The following FRMD4A variants were observed in gnomAD, a reference collection of about 807,000 sequenced individuals.
FRMD4A encodes FERM domain-containing protein 4A.
FRMD4A carries 29 observed loss-of-function variants against 129.1 expected under a neutral mutation model. The observed-to-expected ratio is 0.22, with a 90% CI of 0.17 to 0.31. The LOEUF is 0.31. FRMD4A is among the 10% of genes least tolerant of loss of function. The probability of loss-of-function intolerance (pLI) is 1.00; values close to 1 mark genes in which losing one functional copy is unlikely to be tolerated. For synonymous variants in FRMD4A, 634 were observed against 571.6 expected, an observed-to-expected ratio of 1.11 and a Z score of -1.56; for missense variants, 1,272 against 1,375.8, an observed-to-expected ratio of 0.92 and a Z score of 1.19.
intron 5 of FRMD4A, among the ~76,000 whole-genome samples, chr10:13,793,431 G>C (rs10752327): frequency 0.94 from 143,469 of 152,184 alleles, 68,046 homozygotes; most frequent in East Asian, 1. Context: ...CTTGCCCTCC[G>C]AAAGTACAGG....
In FRMD4A at chr10:14,066,276, G is replaced by A. The variant is rs1291602239; in HGVS notation, c.46-207364C>T. On this transcript the variant is annotated intron_variant, in intron 2 of 24. Transcript: ENST00000357447. Reference sequence around the variant, plus strand: ...TACTGTCACCTGCTGCCAAACCAAAGTCACGTACTTCCTCTGACAACTTCC... The same window carrying A: ...TACTGTCACCTGCTGCCAAACCAAAATCACGTACTTCCTCTGACAACTTCC... 1.3e-5 allele frequency among the ~76,000 whole-genome samples: 2 copies of A among 150,314 alleles called. 1 individual carries two copies. The highest frequency in any genetic ancestry group is 3.9e-4 in the East Asian group (2 of 5,068).
intron 2 of FRMD4A, among the ~76,000 whole-genome samples, chr10:14,236,704 A>G (rs1389543388): frequency 6.6e-6 from 1 of 152,198 alleles, no homozygotes; most frequent in Admixed American, 6.5e-5. Context: ...TATCTACTGG[A>G]TGGGTGAGTG....
chr10:14,175,286 C>T (rs936100215), intron 2 of FRMD4A, among the ~76,000 whole-genome samples: 1 of 152,124 alleles, frequency 6.6e-6, no homozygotes, highest in Non-Finnish European at 1.5e-5. Context: ...CCCTTCTTTC[C>T]ATCTGTGATT....
At chr10:14,207,443 T>C (rs927009288) in intron 2 of FRMD4A, among the ~76,000 whole-genome samples, 1 of 152,174 alleles carries the variant, frequency 6.6e-6, no homozygotes, top group Non-Finnish European at 1.5e-5. Context: ...AATCATGGAC[T>C]GGAACCAGTC....
chr10:13,772,548 G>C (rs2092487336), intron 6 of FRMD4A, among the ~76,000 whole-genome samples: 1 of 152,172 alleles, frequency 6.6e-6, no homozygotes, highest in South Asian at 2.1e-4. Context: ...CTTTAGGCCA[G>C]TTTCAGCAGT....
intron 2 of FRMD4A, among the ~76,000 whole-genome samples, chr10:13,880,634 G>A (rs1174864404): frequency 2.0e-5 from 3 of 151,992 alleles, no homozygotes; most frequent in African/African-American, 7.3e-5. Context: ...ACCTCTCCTG[G>A]GTGCAACCTC....
chr10:14,163,865 T>A (rs1414990249), intron 2 of FRMD4A, among the ~76,000 whole-genome samples: 1 of 152,212 alleles, frequency 6.6e-6, no homozygotes, highest in African/African-American at 2.4e-5. Context: ...ACACTCATAT[T>A]CCAGCGTGAG....
intron 4 of FRMD4A, among the ~76,000 whole-genome samples, chr10:13,798,053 TA>T (rs1224427876): frequency 1.3e-5 from 2 of 152,166 alleles, no homozygotes; most frequent in African/African-American, 4.8e-5. Context: ...TCCAGTTGGA[TA>T]AAAAAATTCC....
intron 2 of FRMD4A, among the ~76,000 whole-genome samples, chr10:14,182,660 T>C (rs7080335): frequency 0.043 from 6,521 of 152,266 alleles, 321 homozygotes; most frequent in East Asian, 0.2. Context: ...TACAGGGATG[T>C]TCCTAGGTTC....
At chr10:14,233,313 T>C (rs1465181837) in intron 2 of FRMD4A, among the ~76,000 whole-genome samples, 2 of 152,224 alleles carry the variant, frequency 1.3e-5, no homozygotes, top group Non-Finnish European at 2.9e-5. Context: ...CTCACACCTG[T>C]TATCCCAACA....
In FRMD4A at chr10:14,330,189, G is replaced by T; in HGVS notation, c.-81-6C>A. On this transcript the variant is annotated splice_region_variant and splice_polypyrimidine_tract_variant and intron_variant, in intron 1 of 24. Coordinates refer to ENST00000357447, the MANE Select transcript of FRMD4A (RefSeq NM_018027.5). ...TACAGAGCATCCAAAAGCACCTGCA[G>T]AAAAAGCAGCCAAAATCCAGACTTA... is the stretch of plus-strand genomic sequence containing the variant. 2 of 1,395,974 alleles carry T rather than the reference G, an allele frequency of 1.4e-6. No homozygotes were observed. Among genetic ancestry groups the T allele is most frequent in the Non-Finnish European group, 2.0e-6 (2 of 1,011,146 alleles). The allele number at this position is 1,395,974 out of a possible 1,614,324, so 86.5% of individuals were successfully genotyped here.
chr10:14,070,955 T>C (rs1835289224), intron 2 of FRMD4A, among the ~76,000 whole-genome samples: 1 of 152,178 alleles, frequency 6.6e-6, no homozygotes, highest in South Asian at 2.1e-4. Context: ...ATGCATCCAA[T>C]CAAAGGGAAC....
intron 6 of FRMD4A, among the ~76,000 whole-genome samples, chr10:13,775,275 C>A (rs2092568591): frequency 6.6e-6 from 1 of 152,230 alleles, no homozygotes; most frequent in Admixed American, 6.5e-5. Context: ...CAAAGACCCA[C>A]ATCAGGGCAC....
intron 3 of FRMD4A, among the ~76,000 whole-genome samples, chr10:13,818,603 C>G (rs10906499): frequency 0.24 from 36,004 of 152,116 alleles, 4,460 homozygotes; most frequent in South Asian, 0.34. Context: ...TGAATCTAGT[C>G]AGTTAATATA....
intron 2 of FRMD4A, among the ~76,000 whole-genome samples, chr10:14,173,152 A>G (rs1841562513): frequency 2.0e-5 from 3 of 152,218 alleles, no homozygotes; most frequent in Admixed American, 1.3e-4. Context: ...TTAGAGATCT[A>G]TTTGCCCCTT....
chr10:13,714,671 G>A (rs1165239073), intron 12 of FRMD4A, among the ~76,000 whole-genome samples: 1 of 152,106 alleles, frequency 6.6e-6, no homozygotes, highest in Non-Finnish European at 1.5e-5. Context: ...CATGCTACAG[G>A]AACCCATGAT....
At chr10:13,674,070 C>A (rs1414260586) in intron 16 of FRMD4A, among the ~76,000 whole-genome samples, 1 of 151,966 alleles carries the variant, frequency 6.6e-6, no homozygotes, top group Non-Finnish European at 1.5e-5. Context: ...GCCCAGCCTG[C>A]ATAAAATTTA....
At chr10:14,094,925 G>C (rs1043058472) in intron 2 of FRMD4A, among the ~76,000 whole-genome samples, 1 of 152,132 alleles carries the variant, frequency 6.6e-6, no homozygotes, top group Non-Finnish European at 1.5e-5. Flanking sequence ...ATGCTTGTGT[G>C]TGCCCATGTG....
chr10:13,767,438 C>T (rs1365176632), intron 6 of FRMD4A, among the ~76,000 whole-genome samples: 1 of 152,112 alleles, frequency 6.6e-6, no homozygotes, highest in Non-Finnish European at 1.5e-5. Flanking sequence ...AGGGTTTCAC[C>T]ATGTTGGCCA....
Sources: gnomAD v4.1 joint callset for allele counts (sites outside exome capture counted in the v4.1 genomes callset) on GRCh38, gnomAD v4.1.1 for gene constraint, MANE v1.5 for transcripts, NCBI Gene and HGNC (gene_info 2026-07-23, HGNC 2026-07-21) for gene names.